The following ZRANB3 variants were observed in gnomAD, a reference collection of about 807,000 sequenced individuals.
The protein encoded by ZRANB3 is zinc finger RANBP2-type containing 3.
A neutral mutation model predicts 133.8 loss-of-function variants in ZRANB3; 125 were observed. The observed-to-expected ratio is 0.93, with a 90% confidence interval of 0.81 to 1.08. ZRANB3 has a LOEUF of 1.08. Among genes scored for constraint, ZRANB3 ranks in the 50% least tolerant of loss-of-function variants. The probability of loss-of-function intolerance (pLI) is 0.00; values close to 1 mark genes in which losing one functional copy is unlikely to be tolerated. For missense variants in ZRANB3, 1,229 were observed against 1,275.5 expected, an observed-to-expected ratio of 0.96 and a Z score of 0.56; for synonymous variants, 387 against 432.7, an observed-to-expected ratio of 0.89 and a Z score of 1.31.
chr2:135,241,735 C>T (rs1695561591), intron 12 of ZRANB3, among the ~76,000 whole-genome samples: 1 of 152,020 alleles, frequency 6.6e-6, no homozygotes, highest in African/African-American at 2.4e-5. Context: ...ATGATATTTT[C>T]AGTTACTGCA....
chr2:135,240,015 GA>G (rs1345210316), intron 12 of ZRANB3, among the ~76,000 whole-genome samples: 1 of 151,960 alleles, frequency 6.6e-6, no homozygotes, highest in African/African-American at 2.4e-5. Context: ...AAAGCAGAGA[GA>G]TTAATAGACT....
chr2:135,288,873 C>CGTGT (rs57200280), intron 8 of ZRANB3, among the ~76,000 whole-genome samples: 5,777 of 141,324 alleles, frequency 0.041, 142 homozygotes, highest in African/African-American at 0.071. Flanking sequence ...CTTCATTTAT[C>CGTGT]GTGTGTGTGT....
At chr2:135,275,552 C>T in intron 9 of ZRANB3, 84 bp downstream of exon 9, 1 of 1,203,326 alleles carries the variant, frequency 8.3e-7, no homozygotes. Flanking sequence ...ACAAAAAACA[C>T]CTCAACTATG....
Position 135,281,349 on chromosome 2 carries a change from CT to C in ZRANB3, c.967-5595del, listed in dbSNP as rs75226836. Reference sequence around the variant, plus strand: ...CAGGTATCGCATGACCTTTTAAGCTCTTTTTTTTTTTAAAGCTCTTTTAATG... The same window carrying C: ...CAGGTATCGCATGACCTTTTAAGCTCTTTTTTTTTTAAAGCTCTTTTAATG... On this transcript the variant is annotated intron_variant, in intron 8 of 20. Coordinates refer to ENST00000264159, the MANE Select transcript of ZRANB3 (RefSeq NM_032143.4). Among the ~76,000 whole-genome samples the C allele has an allele frequency of 6.1e-3, 892 of 147,246 alleles. 7 individuals are homozygous for C. The highest frequency in any genetic ancestry group is 0.02 in the African/African-American group (826 of 40,422).
chr2:135,289,762 G>A (rs947523441), intron 8 of ZRANB3, among the ~76,000 whole-genome samples: 1 of 152,116 alleles, frequency 6.6e-6, no homozygotes, highest in Non-Finnish European at 1.5e-5. Flanking sequence ...AATTAGCTGG[G>A]AGTGGTGGCG....
At chr2:135,376,136 G>T (rs1456967432) in intron 3 of ZRANB3, among the ~76,000 whole-genome samples, 3 of 152,132 alleles carry the variant, frequency 2.0e-5, no homozygotes, top group Non-Finnish European at 4.4e-5. Context: ...ACAAATCAAG[G>T]ATTGCTGGCC....
chr2:135,263,731 G>C (rs1476129431), intron 12 of ZRANB3, among the ~76,000 whole-genome samples: 1 of 151,764 alleles, frequency 6.6e-6, no homozygotes, highest in African/African-American at 2.4e-5. Flanking sequence ...AAAGGTAAAG[G>C]ATTATAACAC....
In ZRANB3 at chr2:135,227,888, A is replaced by G. The variant is rs760721389; in HGVS notation, c.2082T>C (p.Pro694=). 10 of 1,569,950 alleles carry G rather than the reference A, an allele frequency of 6.4e-6. No individual in the cohort carries two copies. The Admixed American group carries it at 1.7e-4, about 27-fold the overall frequency. ...CTTCCTTGCTGTCAGCCAACTGGCC[A>G]GGTTCTGACTGTGCAAGGGCTTGTT... is the stretch of plus-strand genomic sequence containing the variant. ...CEKQALAQSE[P]GQLADSKEET... Residue 694 remains proline, a synonymous_variant, in exon 14 of 21, where the codon CCT becomes CCC. Transcript: ENST00000264159.
chr2:135,410,881 C>T (rs1688272411), intron 2 of ZRANB3, among the ~76,000 whole-genome samples: 2 of 152,146 alleles, frequency 1.3e-5, no homozygotes, highest in South Asian at 2.1e-4. Flanking sequence ...TATCATTTGA[C>T]GAATGCAAAC....
intron 3 of ZRANB3, among the ~76,000 whole-genome samples, chr2:135,371,663 CT>C (rs1262582709): frequency 2.6e-5 from 4 of 152,134 alleles, no homozygotes; most frequent in African/African-American, 9.7e-5. Flanking sequence ...AATTTTTAGG[CT>C]GAGAAATGAC....
At chr2:135,460,775 A>G (rs1690728980) in intron 2 of ZRANB3, among the ~76,000 whole-genome samples, 1 of 152,234 alleles carries the variant, frequency 6.6e-6, no homozygotes, top group Non-Finnish European at 1.5e-5. Flanking sequence ...TGCCCCAACA[A>G]GAATCTCAGA....
At chr2:135,249,996 G>A (rs1679308409) in intron 12 of ZRANB3, among the ~76,000 whole-genome samples, 1 of 152,178 alleles carries the variant, frequency 6.6e-6, no homozygotes, top group Admixed American at 6.6e-5. Context: ...GAAGGGCTTA[G>A]AAAAAGACAG....
intron 8 of ZRANB3, among the ~76,000 whole-genome samples, chr2:135,300,407 A>C (rs1402619610): frequency 1.3e-5 from 2 of 152,176 alleles, no homozygotes; most frequent in Non-Finnish European, 2.9e-5. Context: ...AATTATCTTC[A>C]AATTCCTCAA....
chr2:135,435,616 T>C (rs1486775363), intron 2 of ZRANB3, among the ~76,000 whole-genome samples: 4 of 152,230 alleles, frequency 2.6e-5, no homozygotes, highest in African/African-American at 7.2e-5. Context: ...ACCAACAGTG[T>C]ATGTGTTTCC....
chr2:135,284,552 A>G (rs962290928), intron 8 of ZRANB3, among the ~76,000 whole-genome samples: 1 of 152,198 alleles, frequency 6.6e-6, no homozygotes, highest in Non-Finnish European at 1.5e-5. Context: ...GCTCACTGCA[A>G]GCTCCGCCTC....
At position 135,364,770 on chromosome 2, in the gene ZRANB3, G is replaced by T. The variant is rs552787329; in HGVS notation, c.181-11142C>A. ...ACCCTGTCACAAAAAAATAAATAAG[G>T]CCAGGCACGGTGGCTAACGCCTGTA... On this transcript the variant is annotated intron_variant, in intron 3 of 20. Transcript: ENST00000264159. 2.0e-4 allele frequency among the ~76,000 whole-genome samples: 31 copies of T among 151,942 alleles called. No homozygotes were observed. In the South Asian group the frequency reaches 6.2e-3, roughly 31 times the overall value.
At position 135,360,522 on chromosome 2, in the gene ZRANB3, G is replaced by T. The variant is rs559658388; in HGVS notation, c.181-6894C>A. Among the ~76,000 whole-genome samples the T allele has an allele frequency of 2.6e-5, 4 of 151,628 alleles. No individual in the cohort carries two copies. The South Asian group carries it at 8.3e-4, about 32-fold the overall frequency. ...AGATCGAGACCATCCTGGCTAACACGGTGAAACCCCATCTCCACTAAAAAT... is the reference window on the plus strand; with the variant it reads ...AGATCGAGACCATCCTGGCTAACACTGTGAAACCCCATCTCCACTAAAAAT... On this transcript the variant is annotated intron_variant, in intron 3 of 20. Transcript: ENST00000264159.
At chr2:135,418,511 TG>T (rs1220873610) in intron 2 of ZRANB3, among the ~76,000 whole-genome samples, 2 of 152,188 alleles carry the variant, frequency 1.3e-5, no homozygotes, top group Admixed American at 1.3e-4. Context: ...ATGCATTGTA[TG>T]TCATAATAGC....
At chr2:135,361,023 T>G (rs1685670696) in intron 3 of ZRANB3, among the ~76,000 whole-genome samples, 1 of 152,196 alleles carries the variant, frequency 6.6e-6, no homozygotes. Context: ...CAACCAATCC[T>G]CCTGCCTTGG....
Sources: allele counts gnomAD v4.1 joint callset (sites outside exome capture counted in the v4.1 genomes callset), GRCh38; gene constraint gnomAD v4.1.1; transcripts MANE v1.5; gene names NCBI Gene and HGNC (gene_info 2026-07-23, HGNC 2026-07-21).